CTNNA3: variants seen among roughly 807,000 people sequenced by gnomAD.
The protein encoded by CTNNA3 is catenin alpha-3.
CTNNA3 carries 76 observed loss-of-function variants against 95.7 expected under a neutral mutation model. The ratio of observed to expected loss-of-function variants is 0.79; its 90% CI spans 0.66 to 0.96. The LOEUF is 0.96. Among genes scored for constraint, CTNNA3 ranks in the 40% least tolerant of loss-of-function variants. CTNNA3 has a pLI of 0.00. For missense variants in CTNNA3, 1,191 were observed against 1,089.8 expected (o/e 1.09, Z -1.31); for synonymous variants, 431 against 374.4 (o/e 1.15, Z -1.74).
chr10:67,634,014 A>G (rs2133443106), intron 2 of CTNNA3, among the ~76,000 whole-genome samples: 1 of 152,262 alleles, frequency 6.6e-6, no homozygotes, highest in Non-Finnish European at 1.5e-5. Context: ...GATCAACCCC[A>G]AGACAAATAA....
intron 5 of CTNNA3, among the ~76,000 whole-genome samples, chr10:67,501,040 A>C (rs1012013386): frequency 4.6e-5 from 7 of 152,160 alleles, no homozygotes; most frequent in Non-Finnish European, 1.0e-4. Flanking sequence ...CCATTAGTTG[A>C]TGCAGTTTCT....
intron 13 of CTNNA3, among the ~76,000 whole-genome samples, chr10:66,126,437 T>C (rs1384721379): frequency 1.3e-5 from 2 of 152,186 alleles, no homozygotes; most frequent in African/African-American, 4.8e-5. Flanking sequence ...TTAGTTAGTA[T>C]GCACACATAT....
chr10:67,200,094 C>T (rs1863573421), intron 6 of CTNNA3, among the ~76,000 whole-genome samples: 1 of 152,060 alleles, frequency 6.6e-6, no homozygotes, highest in African/African-American at 2.4e-5. Context: ...AGCAGGGGCA[C>T]ATATCACAAT....
In CTNNA3 at chr10:67,680,171, T is replaced by C. The variant is rs545949222; in HGVS notation, c.-6+15829A>G. Among the ~76,000 whole-genome samples, 45 of 152,320 alleles carry C rather than the reference T, an allele frequency of 3.0e-4. No homozygotes were observed. The South Asian group carries it at 7.9e-3, about 27-fold the overall frequency. On this transcript the variant is annotated intron_variant, in intron 1 of 17. Transcript: ENST00000433211. ...ATCAGAGCTTAGGCTGGAGCTGTCT[T>C]GGAAGCTTCATCCTGTGCCAAGTGT...
At chr10:66,685,353 T>TATA (rs1564617546) in intron 9 of CTNNA3, among the ~76,000 whole-genome samples, 1 of 10,236 alleles carries the variant, frequency 9.8e-5, no homozygotes, top group African/African-American at 4.8e-4. Context: ...ATATATATAT[T>TATA]TTTTTTTTTT....
At chr10:67,727,466 A>G (rs1381370482) in intron 1 of CTNNA3, among the ~76,000 whole-genome samples, 1 of 132,546 alleles carries the variant, frequency 7.5e-6, no homozygotes, top group Non-Finnish European at 1.6e-5. Flanking sequence ...TATATATCAT[A>G]TATTATATAT....
At chr10:67,699,912 T>C (rs1448115025), upstream of CTNNA3, among the ~76,000 whole-genome samples, 2 of 152,176 alleles carry the variant, frequency 1.3e-5, no homozygotes, top group Admixed American at 1.3e-4. Context: ...ATCGGGTCAC[T>C]CCCACCCTAA....
At chr10:66,524,787 C>T (rs1218571880) in intron 10 of CTNNA3, among the ~76,000 whole-genome samples, 2 of 152,082 alleles carry the variant, frequency 1.3e-5, no homozygotes, top group Non-Finnish European at 2.9e-5. Context: ...CGGTGGCTCA[C>T]GCCTGTAATC....
At chr10:67,235,159 A>T (rs1342278609) in intron 5 of CTNNA3, among the ~76,000 whole-genome samples, 5 of 152,184 alleles carry the variant, frequency 3.3e-5, no homozygotes, top group Non-Finnish European at 7.3e-5. Flanking sequence ...ATTGGAAAAA[A>T]CTATTTTAAA....
intron 5 of CTNNA3, among the ~76,000 whole-genome samples, chr10:67,366,298 G>A (rs1346546183): frequency 6.6e-6 from 1 of 152,048 alleles, no homozygotes; most frequent in Non-Finnish European, 1.5e-5. Flanking sequence ...CATGGCACAT[G>A]TATACCTATG....
chr10:66,654,115 T>C (rs1057212246), intron 9 of CTNNA3, among the ~76,000 whole-genome samples: 5 of 152,032 alleles, frequency 3.3e-5, no homozygotes, highest in African/African-American at 1.2e-4. Flanking sequence ...TGGGATTACA[T>C]TATGCTAAAA....
At chr10:66,407,003 C>G (rs1009076111) in intron 11 of CTNNA3, among the ~76,000 whole-genome samples, 2 of 151,902 alleles carry the variant, frequency 1.3e-5, no homozygotes, top group African/African-American at 4.8e-5. Flanking sequence ...TTAATTTACC[C>G]TTTTATTAAA....
intron 7 of CTNNA3, among the ~76,000 whole-genome samples, chr10:66,867,763 T>G (rs1043297514): frequency 6.6e-6 from 1 of 151,684 alleles, no homozygotes; most frequent in African/African-American, 2.4e-5. Flanking sequence ...GTCTACTATA[T>G]CTCTTAAAAT....
intron 3 of CTNNA3, among the ~76,000 whole-genome samples, chr10:67,575,550 T>A (rs1842114729): frequency 6.6e-6 from 1 of 152,126 alleles, no homozygotes. Flanking sequence ...ATAGAGAAAG[T>A]GACAGGGAGC....
chr10:67,528,872 T>G (rs1564717362), intron 4 of CTNNA3, among the ~76,000 whole-genome samples: 1 of 152,108 alleles, frequency 6.6e-6, no homozygotes, highest in African/African-American at 2.4e-5. Flanking sequence ...AAATGAAAAT[T>G]TTACATGGTT....
intron 5 of CTNNA3, among the ~76,000 whole-genome samples, chr10:67,306,578 A>G (rs1414643677): frequency 6.6e-6 from 1 of 152,204 alleles, no homozygotes; most frequent in African/African-American, 2.4e-5. Context: ...AAGAAGTTTT[A>G]CAGAGGAAGT....
At chr10:67,545,857 T>C (rs1016795496) in intron 3 of CTNNA3, among the ~76,000 whole-genome samples, 1 of 152,190 alleles carries the variant, frequency 6.6e-6, no homozygotes, top group Non-Finnish European at 1.5e-5. Context: ...TTATCTGCTA[T>C]ATTTTAAAAC....
At chr10:67,384,491 G>A (rs770087423) in intron 5 of CTNNA3, among the ~76,000 whole-genome samples, 9 of 152,116 alleles carry the variant, frequency 5.9e-5, no homozygotes, top group Non-Finnish European at 1.2e-4. Flanking sequence ...TAAAAGAAAA[G>A]GTACTGAGTT....
intron 13 of CTNNA3, among the ~76,000 whole-genome samples, chr10:66,246,733 T>C (rs1387941503): frequency 2.6e-5 from 4 of 151,618 alleles, no homozygotes; most frequent in African/African-American, 4.8e-5. Context: ...AGTCTCCTAA[T>C]AGCAGAATTG....
Sources: allele counts gnomAD v4.1 joint callset (sites outside exome capture counted in the v4.1 genomes callset), GRCh38; gene constraint gnomAD v4.1.1; transcripts MANE v1.5; gene names NCBI Gene and HGNC (gene_info 2026-07-23, HGNC 2026-07-21).